MGAT5: variants seen among roughly 807,000 people sequenced by gnomAD.
MGAT5 encodes the protein alpha-1,6-mannosylglycoprotein 6-beta-N-acetylglucosaminyltransferase A.
In MGAT5, 30 loss-of-function variants were observed where a neutral mutation model predicts 94.3. That is an observed-to-expected ratio of 0.32 (90% CI 0.24 to 0.43). The LOEUF (loss-of-function observed/expected upper bound fraction) is 0.43. Ranked by LOEUF, MGAT5 falls within the 20% of genes least tolerant of loss-of-function variation. MGAT5 has a pLI of 1.00. For synonymous variants in MGAT5, 310 were observed against 322.9 expected, an observed-to-expected ratio of 0.96 and a Z score of 0.43; for missense variants, 691 against 905.5, an observed-to-expected ratio of 0.76 and a Z score of 3.04.
At chr2:134,393,783 G>A (rs1259731046) in intron 10 of MGAT5, among the ~76,000 whole-genome samples, 1 of 152,118 alleles carries the variant, frequency 6.6e-6, no homozygotes, top group African/African-American at 2.4e-5. Context: ...TCCACAACAT[G>A]GTGGCCTGGT....
At chr2:134,391,964 C>T (rs189616678) in intron 10 of MGAT5, among the ~76,000 whole-genome samples, 10 of 152,282 alleles carry the variant, frequency 6.6e-5, no homozygotes, top group African/African-American at 2.4e-4. Flanking sequence ...GTTTGAAATC[C>T]TGGTTTCCTG....
chr2:134,266,513 G>A (rs908760454), intron 1 of MGAT5, among the ~76,000 whole-genome samples: 11 of 152,206 alleles, frequency 7.2e-5, no homozygotes, highest in Non-Finnish European at 1.0e-4. Flanking sequence ...GAGCCGCCGC[G>A]CCAGCCTGTT....
rs372883860 is a variant in MGAT5, at chr2:134,200,145, C to A, written c.-142-54117C>A. On this transcript the variant is annotated intron_variant, in intron 1 of 16. Transcript: ENST00000409645. ...GTGTCCCTGCCTCCCTACCCCGCCC[C>A]CCAATCCCCCCATTCCCCCCCTGCC... Among the ~76,000 whole-genome samples, 32 of 143,930 alleles carry A rather than the reference C, an allele frequency of 2.2e-4. No homozygotes were observed. The East Asian group carries it at 3.5e-3, about 16-fold the overall frequency. The allele number at this position is 143,930 out of a possible 152,430, so 94.4% of individuals were successfully genotyped here. A position where few individuals can be genotyped will look rare whatever the true frequency, so the allele number is the denominator to read the frequency against.
intron 1 of MGAT5, among the ~76,000 whole-genome samples, chr2:134,227,075 A>G (rs1349066015): frequency 1.3e-5 from 2 of 150,976 alleles, no homozygotes; most frequent in African/African-American, 4.9e-5. Flanking sequence ...CTTCTAGTTT[A>G]GCATCAAATA....
chr2:134,218,802 A>T (rs1680617889), intron 1 of MGAT5, among the ~76,000 whole-genome samples: 1 of 152,194 alleles, frequency 6.6e-6, no homozygotes, highest in South Asian at 2.1e-4. Flanking sequence ...AATGGGATAC[A>T]GGGAGACTCT....
chr2:134,375,054 G>T (rs147061621), intron 10 of MGAT5, among the ~76,000 whole-genome samples: 1 of 152,316 alleles, frequency 6.6e-6, no homozygotes, highest in East Asian at 1.9e-4. Flanking sequence ...TGTACTGCTG[G>T]CCAGCCTTTG....
intron 1 of MGAT5, among the ~76,000 whole-genome samples, chr2:134,242,399 T>A (rs560972272): frequency 6.6e-6 from 1 of 152,360 alleles, no homozygotes; most frequent in African/African-American, 2.4e-5. Context: ...TATATAATGC[T>A]CATCTCAGCT....
intron 1 of MGAT5, among the ~76,000 whole-genome samples, chr2:134,120,651 G>A (rs1685527314): frequency 6.6e-6 from 1 of 151,920 alleles, no homozygotes; most frequent in Admixed American, 6.5e-5. Context: ...GGCTGGAGGC[G>A]AGCGGCGGGG....
At chr2:134,207,049 A>C (rs1680050289) in intron 1 of MGAT5, among the ~76,000 whole-genome samples, 1 of 152,238 alleles carries the variant, frequency 6.6e-6, no homozygotes, top group Non-Finnish European at 1.5e-5. Flanking sequence ...CAGTGTCAGC[A>C]GGACTGTGTT....
At chr2:134,298,377 C>T (rs530331831) in intron 2 of MGAT5, among the ~76,000 whole-genome samples, 33 of 152,246 alleles carry the variant, frequency 2.2e-4, no homozygotes, top group Admixed American at 5.9e-4. Flanking sequence ...GGATTACAAG[C>T]GTGAGCCACC....
At chr2:134,369,020 A>G (rs1680612567) in intron 10 of MGAT5, among the ~76,000 whole-genome samples, 1 of 150,540 alleles carries the variant, frequency 6.6e-6, no homozygotes, top group Non-Finnish European at 1.5e-5. Flanking sequence ...TCTTGTAATC[A>G]TATAATTATC....
chr2:134,430,788 C>T (rs1032056690), intron 14 of MGAT5, among the ~76,000 whole-genome samples: 2 of 151,840 alleles, frequency 1.3e-5, no homozygotes, highest in Admixed American at 6.6e-5. Context: ...CTGGAACATG[C>T]CATGGGCTGT....
intron 1 of MGAT5, among the ~76,000 whole-genome samples, chr2:134,235,156 G>T (rs1681569824): frequency 6.6e-6 from 1 of 152,074 alleles, no homozygotes; most frequent in African/African-American, 2.4e-5. Flanking sequence ...TATCAGAGGG[G>T]TGCCTGGTCT....
intron 10 of MGAT5, among the ~76,000 whole-genome samples, chr2:134,375,359 A>G (rs896664078): frequency 6.6e-5 from 10 of 152,204 alleles, no homozygotes; most frequent in East Asian, 1.9e-4. Context: ...TCAAATCCCA[A>G]AAGCCTAAAT....
At chr2:134,307,668 C>G (rs993374482) in intron 2 of MGAT5, among the ~76,000 whole-genome samples, 3 of 152,096 alleles carry the variant, frequency 2.0e-5, no homozygotes, top group Admixed American at 6.5e-5. Flanking sequence ...CAAATTGTCC[C>G]GCTCTGCTCT....
chr2:134,375,505 G>A (rs532469241), intron 10 of MGAT5, among the ~76,000 whole-genome samples: 3 of 152,316 alleles, frequency 2.0e-5, no homozygotes, highest in South Asian at 4.2e-4. Flanking sequence ...CAAAACAAGT[G>A]AAACAAAGCT....
At chr2:134,294,261 C>A (rs1685541969) in intron 2 of MGAT5, among the ~76,000 whole-genome samples, 1 of 152,180 alleles carries the variant, frequency 6.6e-6, no homozygotes, top group Non-Finnish European at 1.5e-5. Context: ...GATCTCTGCA[C>A]TGGCAGTAAA....
At chr2:134,350,283 A>C (rs1481193438) in intron 9 of MGAT5, among the ~76,000 whole-genome samples, 1 of 152,190 alleles carries the variant, frequency 6.6e-6, no homozygotes, top group Non-Finnish European at 1.5e-5. Context: ...TTTAGGGTAC[A>C]CTTTGTCACT....
At chr2:134,280,548 A>G (rs1389206970) in intron 2 of MGAT5, among the ~76,000 whole-genome samples, 1 of 152,226 alleles carries the variant, frequency 6.6e-6, no homozygotes, top group East Asian at 1.9e-4. Flanking sequence ...GAGGTTTTCT[A>G]GTCAACGTTT....
Sources: allele counts gnomAD v4.1 joint callset (sites outside exome capture counted in the v4.1 genomes callset), GRCh38; gene constraint gnomAD v4.1.1; transcripts MANE v1.5; gene names NCBI Gene and HGNC (gene_info 2026-07-23, HGNC 2026-07-21).